Variants in CNTN4 observed in about 807,000 individuals in gnomAD.
The protein encoded by CNTN4 is contactin-4.
Under a neutral mutation model 122.5 loss-of-function variants are expected in CNTN4, and 77 were observed. That is an observed-to-expected ratio of 0.63 (90% confidence interval 0.52 to 0.76). The LOEUF (loss-of-function observed/expected upper bound fraction) is 0.76, where lower values mean the gene tolerates loss of function less well. Among genes scored for constraint, CNTN4 ranks in the 30% least tolerant of loss-of-function variants. CNTN4 has a pLI of 0.00. For missense variants in CNTN4, 1,256 were observed against 1,259.1 expected (o/e 1.00, Z 0.04); for synonymous variants, 512 against 447.0 (o/e 1.15, Z -1.83).
chr3:2,576,471 G>T (rs963580235), intron 4 of CNTN4, among the ~76,000 whole-genome samples: 1 of 151,908 alleles, frequency 6.6e-6, no homozygotes, highest in African/African-American at 2.4e-5. Context: ...AAATTGGTCT[G>T]TGTGCCTTGA....
intron 2 of CNTN4, among the ~76,000 whole-genome samples, chr3:2,147,476 A>G (rs1020000633): frequency 4.6e-5 from 7 of 152,312 alleles, no homozygotes; most frequent in Admixed American, 1.3e-4. Flanking sequence ...TGTATCATCA[A>G]TGGAAATGAC....
intron 6 of CNTN4, among the ~76,000 whole-genome samples, chr3:2,810,865 G>A (rs76550524): frequency 0.01 from 1,565 of 152,194 alleles, 36 homozygotes; most frequent in African/African-American, 0.036. Context: ...ACCGAAGAGG[G>A]TGACAAAAAA....
intron 13 of CNTN4, among the ~76,000 whole-genome samples, chr3:2,936,185 T>C (rs1174707823): frequency 6.6e-6 from 1 of 152,194 alleles, no homozygotes; most frequent in Non-Finnish European, 1.5e-5. Context: ...TCAGGTAGTG[T>C]CTGCCGTGAC....
chr3:2,421,602 G>A (rs926731101), intron 3 of CNTN4, among the ~76,000 whole-genome samples: 12 of 152,008 alleles, frequency 7.9e-5, no homozygotes, highest in Non-Finnish European at 1.3e-4. Context: ...CTGTTGTAGT[G>A]GATAGCACCA....
At chr3:2,159,261 A>G (rs747255300) in intron 2 of CNTN4, among the ~76,000 whole-genome samples, 3 of 152,198 alleles carry the variant, frequency 2.0e-5, no homozygotes, top group Non-Finnish European at 2.9e-5. Flanking sequence ...GCATTTGTAA[A>G]AGAAAATAAT....
intron 12 of CNTN4, among the ~76,000 whole-genome samples, chr3:2,923,639 A>G (rs1175700305): frequency 1.3e-5 from 2 of 152,302 alleles, no homozygotes; most frequent in East Asian, 1.9e-4. Context: ...TCTTTCTGCA[A>G]TTTGCACTTA....
intron 2 of CNTN4, among the ~76,000 whole-genome samples, chr3:2,202,647 C>A (rs1439464290): frequency 4.6e-5 from 7 of 152,056 alleles, no homozygotes; most frequent in African/African-American, 1.7e-4. Context: ...CTTCCATTTG[C>A]AGACTATAGA....
intron 6 of CNTN4, among the ~76,000 whole-genome samples, chr3:2,803,450 A>C (rs2092393699): frequency 6.6e-6 from 1 of 152,242 alleles, no homozygotes; most frequent in African/African-American, 2.4e-5. Flanking sequence ...AATATGTGTA[A>C]GACACAGGCT....
intron 14 of CNTN4, among the ~76,000 whole-genome samples, chr3:2,990,469 A>G (rs2125303479): frequency 6.6e-6 from 1 of 152,266 alleles, no homozygotes; most frequent in East Asian, 1.9e-4. Flanking sequence ...AAAGTAGGGT[A>G]TTTTCACAGG....
chr3:2,126,042 G>A lies in CNTN4; in HGVS notation c.-145+25403G>A, dbSNP rs182183602. 9.9e-5 allele frequency among the ~76,000 whole-genome samples: 15 copies of A among 152,114 alleles called. No individual in the cohort carries two copies. The South Asian group carries it at 1.0e-3, about 11-fold the overall frequency. On this transcript the variant is annotated intron_variant, in intron 2 of 24. Transcript: ENST00000418658. The stretch of plus-strand genomic sequence containing the variant: ...CTCTGTTATACTAAAAGCTCTTTCC[G>A]TAGTGTGTCTTCATTGCAAGCATCC...
intron 2 of CNTN4, among the ~76,000 whole-genome samples, chr3:2,264,533 A>G (rs2040965049): frequency 2.0e-5 from 3 of 152,048 alleles, no homozygotes; most frequent in Non-Finnish European, 4.4e-5. Flanking sequence ...TTCATATGGA[A>G]AGTTTGCAAA....
intron 2 of CNTN4, among the ~76,000 whole-genome samples, chr3:2,164,541 A>G (rs1487001130): frequency 6.6e-6 from 1 of 152,244 alleles, no homozygotes; most frequent in East Asian, 1.9e-4. Flanking sequence ...AAGCTGGTGA[A>G]GATTAATGAA....
intron 2 of CNTN4, among the ~76,000 whole-genome samples, chr3:2,121,646 A>G (rs992496006): frequency 6.6e-6 from 1 of 152,174 alleles, no homozygotes; most frequent in Admixed American, 6.5e-5. Context: ...AATTTGTCAG[A>G]GTTTCCATTT....
intron 3 of CNTN4, among the ~76,000 whole-genome samples, chr3:2,566,589 A>C (rs921753367): frequency 2.0e-5 from 3 of 152,226 alleles, no homozygotes; most frequent in Non-Finnish European, 4.4e-5. Flanking sequence ...CATAAAGTTA[A>C]AAATCTATTT....
chr3:2,392,267 C>T (rs1338621215), intron 3 of CNTN4, among the ~76,000 whole-genome samples: 1 of 152,178 alleles, frequency 6.6e-6, no homozygotes, highest in Non-Finnish European at 1.5e-5. Context: ...ATCAGCTGTC[C>T]TCTGGTGTAG....
chr3:2,742,322 A>C (rs943145575), intron 5 of CNTN4, among the ~76,000 whole-genome samples: 1 of 152,232 alleles, frequency 6.6e-6, no homozygotes. Flanking sequence ...AAATTTAAGA[A>C]GTTTTAACTT....
chr3:2,117,043 G>C (rs893618251), intron 2 of CNTN4, among the ~76,000 whole-genome samples: 1 of 152,148 alleles, frequency 6.6e-6, no homozygotes, highest in African/African-American at 2.4e-5. Context: ...ATTCAGTTCA[G>C]TACTGACACT....
chr3:2,976,562 C>A (rs937832993), intron 13 of CNTN4, among the ~76,000 whole-genome samples: 1 of 151,974 alleles, frequency 6.6e-6, no homozygotes, highest in South Asian at 2.1e-4. Context: ...CTGAAATTAC[C>A]CCGGGAGGAG....
At chr3:2,481,172 G>A (rs192460287) in intron 3 of CNTN4, among the ~76,000 whole-genome samples, 45 of 144,140 alleles carry the variant, frequency 3.1e-4, no homozygotes, top group African/African-American at 1.1e-3. Flanking sequence ...ACAGAGTCTC[G>A]CTCTGTCACC....
Sources: allele counts gnomAD v4.1 joint callset (sites outside exome capture counted in the v4.1 genomes callset), GRCh38; gene constraint gnomAD v4.1.1; transcripts MANE v1.5; gene names NCBI Gene and HGNC (gene_info 2026-07-23, HGNC 2026-07-21).